Variants in PCDH15 observed in about 807,000 individuals in gnomAD.
PCDH15 encodes the protein protocadherin-15.
In PCDH15, 129 loss-of-function variants were observed where a neutral mutation model predicts 178.5. That is an observed-to-expected ratio of 0.72 (90% CI 0.63 to 0.84). The LOEUF is 0.84. Ranked by LOEUF, PCDH15 falls within the 40% of genes least tolerant of loss-of-function variation. The probability of loss-of-function intolerance (pLI) is 0.00; values close to 1 mark genes in which losing one functional copy is unlikely to be tolerated. For synonymous variants in PCDH15, 800 were observed against 732.0 expected, an observed-to-expected ratio of 1.09 and a Z score of -1.50; for missense variants, 2,230 against 2,099.9, an observed-to-expected ratio of 1.06 and a Z score of -1.21.
intron 3 of PCDH15, among the ~76,000 whole-genome samples, chr10:54,815,372 G>T (rs1171905056): frequency 6.6e-6 from 1 of 152,016 alleles, no homozygotes; most frequent in Admixed American, 6.6e-5. Flanking sequence ...ACAGTTAAGA[G>T]AAATGTAAAC....
intron 2 of PCDH15, among the ~76,000 whole-genome samples, chr10:55,044,066 A>G (rs997249907): frequency 2.6e-5 from 4 of 152,174 alleles, no homozygotes; most frequent in Admixed American, 2.0e-4. Flanking sequence ...AGTCCCTCTG[A>G]TCAGACATCT....
chr10:54,418,966 T>C (rs1447809251), intron 3 of PCDH15, among the ~76,000 whole-genome samples: 2 of 152,032 alleles, frequency 1.3e-5, no homozygotes, highest in African/African-American at 4.8e-5. Flanking sequence ...CTATGAGAGA[T>C]AATTTACAAA....
chr10:55,410,437 C>T (rs33949875), intron 2 of PCDH15, among the ~76,000 whole-genome samples: 15,695 of 152,030 alleles, frequency 0.1, 870 homozygotes, highest in East Asian at 0.23. Context: ...TCTGGAGTTC[C>T]TGAGACTGGG....
intron 21 of PCDH15, among the ~76,000 whole-genome samples, chr10:53,976,281 G>GTTCA (rs919332162): frequency 2.6e-5 from 4 of 152,054 alleles, no homozygotes; most frequent in African/African-American, 9.6e-5. Flanking sequence ...GTAATGTGGG[G>GTTCA]TTCATTCATT....
chr10:54,632,183 G>GAA (rs2093720437), intron 2 of PCDH15, among the ~76,000 whole-genome samples: 1 of 152,098 alleles, frequency 6.6e-6, no homozygotes, highest in African/African-American at 2.4e-5. Flanking sequence ...CACAGGAAGA[G>GAA]AAAAACCAAA....
chr10:54,921,805 A>T (rs565310964), intron 2 of PCDH15, among the ~76,000 whole-genome samples: 4 of 152,302 alleles, frequency 2.6e-5, no homozygotes, highest in Non-Finnish European at 5.9e-5. Flanking sequence ...AAATAGTTTT[A>T]GTTGATGCAA....
intron 2 of PCDH15, among the ~76,000 whole-genome samples, chr10:55,556,276 C>T (rs1842089328): frequency 6.6e-6 from 1 of 152,026 alleles, no homozygotes; most frequent in African/African-American, 2.4e-5. Flanking sequence ...AAAAATATTA[C>T]ACATGTCATC....
chr10:55,095,066 G>A (rs1842417265), intron 2 of PCDH15, among the ~76,000 whole-genome samples: 1 of 151,480 alleles, frequency 6.6e-6, no homozygotes, highest in Non-Finnish European at 1.5e-5. Flanking sequence ...GACCACAAGT[G>A]TATGCCACCA....
intron 24 of PCDH15, 56 bp downstream of exon 24, chr10:53,940,810 G>A: frequency 7.9e-7 from 1 of 1,265,822 alleles, no homozygotes; most frequent in Non-Finnish European, 1.2e-6. Flanking sequence ...TCTGAAATTA[G>A]GCCAAATCTA....
At chr10:54,579,785 T>A (rs1375234164) in intron 2 of PCDH15, among the ~76,000 whole-genome samples, 1 of 151,988 alleles carries the variant, frequency 6.6e-6, no homozygotes, top group African/African-American at 2.4e-5. Flanking sequence ...ACCATACTCT[T>A]GAACCACAGT....
chr10:54,730,039 T>C (rs1943124288), intron 1 of PCDH15, among the ~76,000 whole-genome samples: 1 of 151,416 alleles, frequency 6.6e-6, no homozygotes, highest in East Asian at 1.9e-4. Flanking sequence ...CCAGCAATCT[T>C]ATTCCTGGGT....
intron 14 of PCDH15, among the ~76,000 whole-genome samples, chr10:54,149,246 CAATTT>C: frequency 6.6e-6 from 1 of 152,178 alleles, no homozygotes; most frequent in Non-Finnish European, 1.5e-5. Flanking sequence ...ATGCTAAACT[CAATTT>C]AATTTATATT....
At chr10:54,785,578 C>T (rs1274966433) in intron 1 of PCDH15, among the ~76,000 whole-genome samples, 1 of 151,948 alleles carries the variant, frequency 6.6e-6, no homozygotes. Context: ...CATTCTTCCA[C>T]CTTTGATGCA....
chr10:54,459,615 T>C (rs1295315784), intron 3 of PCDH15, among the ~76,000 whole-genome samples: 3 of 152,022 alleles, frequency 2.0e-5, no homozygotes, highest in Non-Finnish European at 4.4e-5. Context: ...ATGAGGATAT[T>C]AGAAAAAGAC....
At chr10:54,709,939 A>ATG (rs1320388194) in intron 1 of PCDH15, among the ~76,000 whole-genome samples, 1 of 142,932 alleles carries the variant, frequency 7.0e-6, no homozygotes, top group Non-Finnish European at 1.5e-5. Context: ...TAACACCTTT[A>ATG]TGTATATATA....
At chr10:53,889,671 T>C (rs1176687356) in intron 26 of PCDH15, among the ~76,000 whole-genome samples, 19 of 152,148 alleles carry the variant, frequency 1.2e-4, no homozygotes, top group Admixed American at 1.2e-3. Context: ...CTTATGAATA[T>C]CCCCTTACCT....
chr10:54,938,519 T>C (rs1227477939), intron 2 of PCDH15, among the ~76,000 whole-genome samples: 1 of 152,130 alleles, frequency 6.6e-6, no homozygotes, highest in African/African-American at 2.4e-5. Flanking sequence ...TTTTCTTAAA[T>C]ATTTGTCATA....
Position 53,817,181 on chromosome 10 carries a change from T to C in PCDH15, c.4452+814A>G, listed in dbSNP as rs151043345. Reference sequence around the variant, plus strand: ...TTGTTGGTGAGTTAGTTATTTTACTTATAATGAATTCTAAACTACAATCCA... The same window carrying C: ...TTGTTGGTGAGTTAGTTATTTTACTCATAATGAATTCTAAACTACAATCCA... On this transcript the variant is annotated intron_variant, in intron 34 of 37. Coordinates refer to ENST00000644397, the MANE Select transcript of PCDH15 (RefSeq NM_001384140.1). Among the ~76,000 whole-genome samples, 840 of 152,252 alleles carry C rather than the reference T, an allele frequency of 5.5e-3. 9 individuals carry two copies. Among genetic ancestry groups the C allele is most frequent in the African/African-American group, 0.019 (791 of 41,544 alleles).
chr10:54,804,317 G>C (rs1238895842), upstream of PCDH15, among the ~76,000 whole-genome samples: 1 of 152,172 alleles, frequency 6.6e-6, no homozygotes, highest in South Asian at 2.1e-4. Context: ...GGGATTACAG[G>C]CGTGAGCCAC....
Sources: gnomAD v4.1 joint callset for allele counts (sites outside exome capture counted in the v4.1 genomes callset) on GRCh38, gnomAD v4.1.1 for gene constraint, MANE v1.5 for transcripts, NCBI Gene and HGNC (gene_info 2026-07-23, HGNC 2026-07-21) for gene names.